RPS6KC1: variants seen among roughly 807,000 people sequenced by gnomAD.
RPS6KC1 encodes ribosomal protein S6 kinase C1, also known as inactive ribosomal protein S6 kinase delta-1.
Under a neutral mutation model 103.8 loss-of-function variants are expected in RPS6KC1, and 54 were observed. The observed-to-expected ratio is 0.52, with a 90% CI of 0.42 to 0.65. The LOEUF is 0.65. RPS6KC1 is among the 30% of genes least tolerant of loss of function. The pLI is 0.00. For synonymous variants in RPS6KC1, 439 were observed against 438.7 expected (o/e 1.00, Z -0.01); for missense variants, 1,151 against 1,253.8 (o/e 0.92, Z 1.24).
the RPS6KC1 span, among the ~76,000 whole-genome samples, chr1:213,846,232 G>A: frequency 1.3e-3 from 196 of 151,278 alleles, no homozygotes; most frequent in African/African-American, 4.5e-3. Flanking sequence ...CTTGGGAGGC[G>A]GAGGTCGCAG....
chr1:213,595,446 G>A, the RPS6KC1 span, among the ~76,000 whole-genome samples: 4 of 152,296 alleles, frequency 2.6e-5, no homozygotes, highest in East Asian at 5.8e-4. Context: ...ACAGCCTCTT[G>A]TCCATTTCTT....
intron 8 of RPS6KC1, among the ~76,000 whole-genome samples, chr1:213,211,617 T>G (rs2093509076): frequency 6.6e-6 from 1 of 152,224 alleles, no homozygotes; most frequent in African/African-American, 2.4e-5. Flanking sequence ...TTATACAAAG[T>G]AAAATTCTTT....
intron 4 of RPS6KC1, among the ~76,000 whole-genome samples, chr1:213,109,606 C>A (rs2148823474): frequency 6.6e-6 from 1 of 152,146 alleles, no homozygotes; most frequent in Admixed American, 6.5e-5. Context: ...CATGTTGTAG[C>A]ATGCATCAGT....
At chr1:213,509,663 T>A in the RPS6KC1 span, among the ~76,000 whole-genome samples, 1 of 152,316 alleles carries the variant, frequency 6.6e-6, no homozygotes, top group African/African-American at 2.4e-5. Flanking sequence ...AATGTACACA[T>A]GTAGAATTGA....
chr1:213,769,118 C>A, the RPS6KC1 span, among the ~76,000 whole-genome samples: 1 of 152,200 alleles, frequency 6.6e-6, no homozygotes, highest in African/African-American at 2.4e-5. Flanking sequence ...ATTAGGGATC[C>A]AGAGTGGGAG....
chr1:213,072,051 A>G (rs1409523280), intron 2 of RPS6KC1, among the ~76,000 whole-genome samples: 4 of 152,078 alleles, frequency 2.6e-5, no homozygotes, highest in African/African-American at 4.8e-5. Flanking sequence ...CACTAAGACT[A>G]GAAGGACATA....
intron 8 of RPS6KC1, among the ~76,000 whole-genome samples, chr1:213,189,747 T>C (rs1183992329): frequency 1.3e-5 from 2 of 152,192 alleles, no homozygotes; most frequent in East Asian, 1.9e-4. Flanking sequence ...CTAGTTGTTA[T>C]TAATTCTATT....
At chr1:213,473,010 A>C in the RPS6KC1 span, among the ~76,000 whole-genome samples, 1 of 152,192 alleles carries the variant, frequency 6.6e-6, no homozygotes, top group Non-Finnish European at 1.5e-5. Context: ...CACCTATTCC[A>C]ATGAACTGTG....
the RPS6KC1 span, among the ~76,000 whole-genome samples, chr1:213,484,217 C>T: frequency 1.3e-5 from 2 of 152,180 alleles, no homozygotes; most frequent in Admixed American, 1.3e-4. Context: ...TAACCAGTTA[C>T]CCAAAATGTA....
Position 213,242,051 on chromosome 1 carries a change from A to T in RPS6KC1, c.2575A>T (p.Thr859Ser). The T allele has an allele frequency of 6.2e-7, 1 of 1,614,060 alleles. No individual in the cohort carries two copies. Among genetic ancestry groups the T allele is most frequent in the Non-Finnish European group, 8.5e-7 (1 of 1,179,944 alleles). Residue 859 changes from threonine (T) to serine (S), a missense_variant, in exon 11 of 15, where the codon ACT becomes TCT. Physicochemically the swap from Thr to Ser is moderately conservative, Grantham distance 58. Around this residue, in one of 3 missense-constraint regions of RPS6KC1, gnomAD observed 959 missense variants for 1,006.3 expected, o/e 0.95. Transcript: ENST00000366960. ...TGATGATTTGGCTAAAGAGGAACCA[A>T]CTTCTTTATTCCAGAGAGACTCTGA... ...QTDDLAKEEP[T>S]SLFQRDSETK... is the part of the protein sequence containing the mutation.
At chr1:213,427,615 A>C in the RPS6KC1 span, among the ~76,000 whole-genome samples, 1 of 152,236 alleles carries the variant, frequency 6.6e-6, no homozygotes, top group South Asian at 2.1e-4. Flanking sequence ...GAATTATTAT[A>C]TGCATTTTTG....
At chr1:213,826,684 A>C in the RPS6KC1 span, among the ~76,000 whole-genome samples, 4 of 152,366 alleles carry the variant, frequency 2.6e-5, no homozygotes, top group East Asian at 5.8e-4. Context: ...GCCATGGCTG[A>C]CAATTAATGA....
chr1:213,167,189 C>A (rs2091038136), intron 6 of RPS6KC1, among the ~76,000 whole-genome samples: 1 of 152,016 alleles, frequency 6.6e-6, no homozygotes, highest in Non-Finnish European at 1.5e-5. Context: ...ATATCTGAAA[C>A]AAGAAAGCAG....
chr1:213,859,220 C>T, the RPS6KC1 span, among the ~76,000 whole-genome samples: 2 of 152,148 alleles, frequency 1.3e-5, no homozygotes, highest in African/African-American at 2.4e-5. Flanking sequence ...GGGCATATGT[C>T]CGGGGCCTGA....
the RPS6KC1 span, among the ~76,000 whole-genome samples, chr1:213,861,360 C>T: frequency 1.3e-5 from 2 of 152,226 alleles, no homozygotes; most frequent in Admixed American, 6.5e-5. Flanking sequence ...ACCTTATCAC[C>T]GCACACTTTC....
intron 8 of RPS6KC1, among the ~76,000 whole-genome samples, chr1:213,194,117 T>A (rs926515223): frequency 6.6e-6 from 1 of 152,222 alleles, no homozygotes; most frequent in Non-Finnish European, 1.5e-5. Context: ...TTTTGTCTGA[T>A]GTAAATATAG....
chr1:213,239,647 T>C (rs941546325), intron 10 of RPS6KC1, among the ~76,000 whole-genome samples: 2 of 152,196 alleles, frequency 1.3e-5, no homozygotes, highest in Admixed American at 6.5e-5. Context: ...AAATATGTGC[T>C]GAAAAATTGT....
Position 213,092,424 on chromosome 1 carries a change from C to T in RPS6KC1, c.263-12030C>T, listed in dbSNP as rs904553345. Among the ~76,000 whole-genome samples, 8 of 152,206 alleles carry T rather than the reference C, an allele frequency of 5.3e-5. No individual in the cohort carries two copies. The East Asian group carries it at 9.7e-4, about 18-fold the overall frequency. On this transcript the variant is annotated intron_variant, in intron 3 of 14. Transcript: ENST00000366960. The stretch of plus-strand genomic sequence containing the variant: ...CGGTGGCTCATGTCTGTAATCCCAG[C>T]ACTTTGGGAGGCCGAGGCGGGCGGA...
the RPS6KC1 span, among the ~76,000 whole-genome samples, chr1:213,701,548 T>C: frequency 3.3e-5 from 5 of 152,074 alleles, no homozygotes; most frequent in African/African-American, 1.2e-4. Context: ...ATCCTGGGCT[T>C]TTCTTTACTG....
Sources: gnomAD v4.1 joint callset for allele counts (sites outside exome capture counted in the v4.1 genomes callset) on GRCh38, gnomAD v4.1.1 for gene constraint, gnomAD v4.1.1 regional missense constraint, MANE v1.5 for transcripts, NCBI Gene and HGNC (gene_info 2026-07-23, HGNC 2026-07-21) for gene names.